TGFA: variants seen among roughly 807,000 people sequenced by gnomAD.
TGFA encodes transforming growth factor alpha.
A neutral mutation model predicts 21.7 loss-of-function variants in TGFA; 12 were observed. The ratio of observed to expected loss-of-function variants is 0.55; its 90% CI spans 0.35 to 0.90. The LOEUF (loss-of-function observed/expected upper bound fraction) is 0.90, where lower values mean the gene tolerates loss of function less well. Among genes scored for constraint, TGFA ranks in the 40% least tolerant of loss-of-function variants. TGFA has a pLI of 0.01. For missense variants in TGFA, 178 were observed against 210.8 expected (o/e 0.84, Z 0.96); for synonymous variants, 79 against 88.1 (o/e 0.90, Z 0.58).
At chr2:70,550,212 C>G (rs932394831) in intron 1 of TGFA, among the ~76,000 whole-genome samples, 2 of 152,144 alleles carry the variant, frequency 1.3e-5, no homozygotes, top group Non-Finnish European at 2.9e-5. Flanking sequence ...AATAATAAAG[C>G]TTATCTCTGG....
intron 1 of TGFA, among the ~76,000 whole-genome samples, chr2:70,525,801 G>A (rs1229811337): frequency 2.0e-5 from 3 of 152,176 alleles, no homozygotes; most frequent in East Asian, 1.9e-4. Context: ...CCCTTAGGGA[G>A]CATCTGAGAA....
At chr2:70,509,758 C>G (rs781908306) in intron 2 of TGFA, among the ~76,000 whole-genome samples, 1 of 152,148 alleles carries the variant, frequency 6.6e-6, no homozygotes, top group Non-Finnish European at 1.5e-5. Context: ...ACCACACCCC[C>G]TTGGTCATTA....
At chr2:70,474,878 G>C (rs1313755425) in intron 2 of TGFA, among the ~76,000 whole-genome samples, 1 of 152,116 alleles carries the variant, frequency 6.6e-6, no homozygotes, top group Non-Finnish European at 1.5e-5. Context: ...AGATGTGATG[G>C]AACCAAATTC....
At chr2:70,536,979 CT>C (rs1163558867) in intron 1 of TGFA, among the ~76,000 whole-genome samples, 1 of 141,820 alleles carries the variant, frequency 7.1e-6, no homozygotes, top group East Asian at 2.1e-4. Context: ...GTTTTGTTTT[CT>C]TTTTTCTTTT....
chr2:70,518,244 G>C (rs1025004185), intron 1 of TGFA, among the ~76,000 whole-genome samples: 1 of 152,108 alleles, frequency 6.6e-6, no homozygotes, highest in African/African-American at 2.4e-5. Flanking sequence ...TCCTATTTCT[G>C]TTTAAATAGC....
At chr2:70,541,064 C>CA (rs1673119078) in intron 1 of TGFA, among the ~76,000 whole-genome samples, 1 of 151,986 alleles carries the variant, frequency 6.6e-6, no homozygotes, top group Admixed American at 6.6e-5. Context: ...TATTAAGAGA[C>CA]AAAAAAAGTG....
chr2:70,553,130 C>A, intron 1 of TGFA: 2 of 1,527,482 alleles, frequency 1.3e-6, no homozygotes, highest in Admixed American at 2.0e-5. Context: ...AACCACTTCT[C>A]CCAGGGAAGT....
chr2:70,501,973 C>T (rs936597120), intron 2 of TGFA, among the ~76,000 whole-genome samples: 5 of 152,226 alleles, frequency 3.3e-5, no homozygotes, highest in Non-Finnish European at 7.3e-5. Flanking sequence ...ATGGTCCTGC[C>T]GTTTTCACCT....
chr2:70,495,307 G>A (rs1229937230), intron 2 of TGFA, among the ~76,000 whole-genome samples: 4 of 152,192 alleles, frequency 2.6e-5, no homozygotes, highest in Non-Finnish European at 5.9e-5. Flanking sequence ...GTGTTGCAAT[G>A]TTTTAATTAT....
rs151142457 is a variant in TGFA at position 70,544,376 on chromosome 2, GTTA to G, written c.40+9349_40+9351del. Among the ~76,000 whole-genome samples, 718 of 151,930 alleles carry G rather than the reference GTTA, an allele frequency of 4.7e-3. 3 individuals carry two copies. Among genetic ancestry groups the G allele is most frequent in the African/African-American group, 0.015 (637 of 41,520 alleles). On this transcript the variant is annotated intron_variant, in intron 1 of 5. Coordinates refer to ENST00000295400, the MANE Select transcript of TGFA (RefSeq NM_003236.4). ...AAAATATTAAAAGGAAGGAGGCAAA[GTTA>G]TTATTATTCAAGCTTAAATGATCAT...
intron 2 of TGFA, among the ~76,000 whole-genome samples, chr2:70,501,968 C>T (rs1389384940): frequency 5.9e-5 from 9 of 152,214 alleles, no homozygotes; most frequent in Admixed American, 2.6e-4. Context: ...AGCAAATGGT[C>T]CTGCCGTTTT....
intron 1 of TGFA, 111 bp downstream of exon 1, chr2:70,553,617 C>T (rs934800998): frequency 7.6e-7 from 1 of 1,312,670 alleles, no homozygotes; most frequent in African/African-American, 1.5e-5. Context: ...CTACTCGCTT[C>T]TCTCCACTCT....
intron 1 of TGFA, among the ~76,000 whole-genome samples, chr2:70,537,656 C>T (rs1312625733): frequency 6.6e-6 from 1 of 152,166 alleles, no homozygotes; most frequent in Non-Finnish European, 1.5e-5. Context: ...CCAGAGTAAG[C>T]CCCTAGTTCT....
At chr2:70,534,088 C>T (rs569655503) in intron 1 of TGFA, among the ~76,000 whole-genome samples, 160 of 152,252 alleles carry the variant, frequency 1.1e-3, no homozygotes, top group African/African-American at 3.4e-3. Context: ...GTCCACTATT[C>T]GGAGGTACAA....
chr2:70,491,647 G>A (rs1553497653), intron 2 of TGFA, among the ~76,000 whole-genome samples: 2 of 152,202 alleles, frequency 1.3e-5, no homozygotes, highest in East Asian at 3.8e-4. Flanking sequence ...CTTCCCCGGA[G>A]ACAGTGGCAT....
chr2:70,553,110 C>T, intron 1 of TGFA: 2 of 1,479,530 alleles, frequency 1.4e-6, no homozygotes, highest in Non-Finnish European at 1.8e-6. Flanking sequence ...CTGCCCTCGG[C>T]GGACACCGAA....
intron 1 of TGFA, among the ~76,000 whole-genome samples, chr2:70,535,109 G>C (rs1309195465): frequency 2.0e-5 from 3 of 152,100 alleles, no homozygotes; most frequent in Non-Finnish European, 4.4e-5. Context: ...AAAGGAGTTT[G>C]TACAATATGT....
At chr2:70,533,668 T>A (rs1277699684) in intron 1 of TGFA, among the ~76,000 whole-genome samples, 7 of 152,198 alleles carry the variant, frequency 4.6e-5, no homozygotes, top group Non-Finnish European at 1.0e-4. Context: ...AACTGTTAAC[T>A]GTTAACAAAT....
chr2:70,475,897 G>A lies in TGFA; in HGVS notation c.95-10161C>T, dbSNP rs534990147. On this transcript the variant is annotated intron_variant, in intron 2 of 5. Transcript: ENST00000295400. ...GAGAGGCAGGTATGAGACTCCACAAGCAGCCTGCCAATCACCATTCTACAT... is the reference window on the plus strand; with the variant it reads ...GAGAGGCAGGTATGAGACTCCACAAACAGCCTGCCAATCACCATTCTACAT... Among the ~76,000 whole-genome samples the A allele has an allele frequency of 2.4e-3, 366 of 151,826 alleles. 1 individual carries two copies. The highest frequency in any genetic ancestry group is 2.8e-3 in the Non-Finnish European group (191 of 67,936).
Sources: allele counts gnomAD v4.1 joint callset (sites outside exome capture counted in the v4.1 genomes callset), GRCh38; gene constraint gnomAD v4.1.1; transcripts MANE v1.5; gene names NCBI Gene and HGNC (gene_info 2026-07-23, HGNC 2026-07-21).